The following TUBA8 variants were observed in gnomAD, a reference collection of about 807,000 sequenced individuals.
TUBA8 encodes tubulin alpha-8 chain.
TUBA8 carries 29 observed loss-of-function variants against 34.7 expected under a neutral mutation model. That is an observed-to-expected ratio of 0.84 (90% CI 0.62 to 1.14). The LOEUF is 1.14. TUBA8 is among the 50% of genes most tolerant of loss of function. TUBA8 has a pLI of 0.00. For synonymous variants in TUBA8, 226 were observed against 231.2 expected (o/e 0.98, Z 0.21); for missense variants, 541 against 599.2 (o/e 0.90, Z 1.01).
Position 18,126,162 on chromosome 22 carries a change from CCCCAT to C in TUBA8, c.376-186_376-182del, listed in dbSNP as rs550186807. ...ACAGGCATTGAGTCACTGTGCCTGG[CCCCAT>C]CCCATATTTTAGCCACTCCTCCAAA... On this transcript the variant is annotated intron_variant, in intron 3 of 4. Transcript: ENST00000330423. This position sits in a 1 kb window ranked among gnomAD's most constrained non-coding sequence, Gnocchi z 4.0. The C allele has an allele frequency of 7.1e-3, 4,393 of 617,270 alleles. 18 individuals carry two copies. Among genetic ancestry groups the C allele is most frequent in the South Asian group, 9.5e-3 (486 of 51,228 alleles). The allele number at this position is 617,270 out of a possible 1,614,324, so 38.2% of individuals were successfully genotyped here. A position where few individuals can be genotyped will look rare whatever the true frequency, so the allele number is the denominator to read the frequency against.
chr22:18,121,813 C>T lies in TUBA8; in HGVS notation c.226+112C>T. On this transcript the variant is annotated intron_variant, in intron 2 of 4. Transcript: ENST00000330423. This position sits in a 1 kb window ranked among gnomAD's most constrained non-coding sequence, Gnocchi z 4.8. Reference sequence around the variant, plus strand: ...TAGCTGGAAGGTGGGGATGGTGCAACCGCAGCCTCCCACCCCACGTGACAT... The same window carrying T: ...TAGCTGGAAGGTGGGGATGGTGCAATCGCAGCCTCCCACCCCACGTGACAT... The T allele has an allele frequency of 1.0e-6, 1 of 1,000,722 alleles. No homozygotes were observed. Among genetic ancestry groups the T allele is most frequent in the African/African-American group, 1.6e-5 (1 of 62,778 alleles). 62.0% of individuals were successfully genotyped at this position (1,000,722 alleles called of 1,614,324 possible). A position where few individuals can be genotyped will look rare whatever the true frequency, so the allele number is the denominator to read the frequency against.
Position 18,121,714 on chromosome 22 carries a change from G to T in TUBA8, c.226+13G>T. On this transcript the variant is annotated intron_variant, in intron 2 of 4. Coordinates refer to ENST00000330423, the MANE Select transcript of TUBA8 (RefSeq NM_018943.3). This position sits in a 1 kb window ranked among gnomAD's most constrained non-coding sequence, Gnocchi z 4.8. ...CCTACTGTAGTGGGTGAGTGGGGGC[G>T]GAGTTCCCCTCCACAGAGAACATCT... The T allele has an allele frequency of 6.2e-7, 1 of 1,609,214 alleles. No homozygotes were observed. The highest frequency in any genetic ancestry group is 8.5e-7 in the Non-Finnish European group (1 of 1,175,730).
chr22:18,118,575 C>T lies in TUBA8; in HGVS notation c.4-2904C>T, dbSNP rs1227709334. ...ACCCTGGACCTGGACGCCTCCGTCT[C>T]TCCAAGGAGCCCAGTTCCTGTTAGC... is the stretch of plus-strand genomic sequence containing the variant. On this transcript the variant is annotated intron_variant, in intron 1 of 4. Transcript: ENST00000330423. The surrounding 1 kb of genome is among the most constrained non-coding windows in gnomAD (Gnocchi z 4.0). The T allele has an allele frequency of 6.6e-6, 1 of 152,248 alleles. No individual in the cohort carries two copies. The highest frequency in any genetic ancestry group is 1.5e-5 in the Non-Finnish European group (1 of 68,060). 9.4% of individuals were successfully genotyped at this position (152,248 alleles called of 1,614,324 possible). A position where few individuals can be genotyped will look rare whatever the true frequency, so the allele number is the denominator to read the frequency against.
Position 18,111,098 on chromosome 22 carries a change from TA to T in TUBA8, c.3+232del. The stretch of plus-strand genomic sequence containing the variant: ...GGGCCAGTTGTTCCTTAAAGGGACC[TA>T]AGGGAGCTTTGCGTGCAGACGAGGG... On this transcript the variant is annotated intron_variant, in intron 1 of 4. Coordinates refer to ENST00000330423, the MANE Select transcript of TUBA8 (RefSeq NM_018943.3). This position sits in a 1 kb window ranked among gnomAD's most constrained non-coding sequence, Gnocchi z 5.1. The T allele has an allele frequency of 1.6e-6, 1 of 637,172 alleles. No individual in the cohort carries two copies. Among genetic ancestry groups the T allele is most frequent in the Non-Finnish European group, 2.7e-6 (1 of 372,578 alleles). 39.5% of individuals were successfully genotyped at this position (637,172 alleles called of 1,614,324 possible).
chr22:18,121,541 G>A lies in TUBA8; in HGVS notation c.66G>A (p.Glu22=), dbSNP rs1039764417. The part of the protein sequence containing the change: ...AGVQIGNACW[E]LFCLEHGIQA... ...TTCAGATTGGCAATGCCTGCTGGGA[G>A]CTCTTCTGCCTGGAACACGGCATCC... The change falls in exon 2 of 5, where the codon GAG becomes GAA. Residue 22 remains glutamate, a synonymous_variant. Transcript: ENST00000330423. The surrounding 1 kb of genome is among the most constrained non-coding windows in gnomAD (Gnocchi z 4.8). The A allele has an allele frequency of 3.1e-6, 5 of 1,614,112 alleles. No homozygotes were observed. The African/African-American group carries it at 5.3e-5, about 17-fold the overall frequency.
rs1181939649 is a variant in TUBA8 at position 18,121,846 on chromosome 22, C to G, written c.226+145C>G. On this transcript the variant is annotated intron_variant, in intron 2 of 4. Coordinates refer to ENST00000330423, the MANE Select transcript of TUBA8 (RefSeq NM_018943.3). The surrounding 1 kb of genome is among the most constrained non-coding windows in gnomAD (Gnocchi z 4.8). ...TCCCACCCCACGTGACATCTGTCAGCTCCTTGGGGTCCCCACAGTCTCGGG... is the reference window on the plus strand; with the variant it reads ...TCCCACCCCACGTGACATCTGTCAGGTCCTTGGGGTCCCCACAGTCTCGGG... The G allele has an allele frequency of 2.8e-6, 2 of 724,246 alleles. No homozygotes were observed. Among genetic ancestry groups the G allele is most frequent in the African/African-American group, 3.5e-5 (2 of 56,896 alleles). The allele number at this position is 724,246 out of a possible 1,614,324, so 44.9% of individuals were successfully genotyped here.
intron 1 of TUBA8, chr22:18,113,192 A>G (rs1927863899): frequency 6.6e-6 from 1 of 152,226 alleles, no homozygotes; most frequent in Admixed American, 6.5e-5. Context: ...GGTACCACCA[A>G]TACCCTTTAG....
In TUBA8 at chr22:18,126,032, T is replaced by C. The variant is rs1035938131; in HGVS notation, c.376-322T>C. The stretch of plus-strand genomic sequence containing the variant: ...GTGCATCACCACGCCCAGTTAACTT[T>C]TAAAATTTTTTGTAGATGCGAGGTC... On this transcript the variant is annotated intron_variant, in intron 3 of 4. Transcript: ENST00000330423. This position sits in a 1 kb window ranked among gnomAD's most constrained non-coding sequence, Gnocchi z 4.0. 2.7e-6 allele frequency: 1 copy of C among 365,412 alleles called. No homozygotes were observed. The highest frequency in any genetic ancestry group is 2.1e-5 in the African/African-American group (1 of 47,874). The allele number at this position is 365,412 out of a possible 1,614,324, so 22.6% of individuals were successfully genotyped here. A position where few individuals can be genotyped will look rare whatever the true frequency, so the allele number is the denominator to read the frequency against.
At chr22:18,112,610 A>C (rs1207375165) in intron 1 of TUBA8, 1 of 152,234 alleles carries the variant, frequency 6.6e-6, no homozygotes, top group Admixed American at 6.5e-5. Flanking sequence ...GTTTCTGACA[A>C]TGCCTGGTAA....
chr22:18,124,353 G>A lies in TUBA8; in HGVS notation c.375+49G>A. 1 of 1,587,938 alleles carries A rather than the reference G, an allele frequency of 6.3e-7. No homozygotes were observed. Among genetic ancestry groups the A allele is most frequent in the Non-Finnish European group, 8.6e-7 (1 of 1,165,590 alleles). The stretch of plus-strand genomic sequence containing the variant: ...GGGTGGGTCAGGCTGGAGTGGACAG[G>A]CTTGGCCCCATGCCTCTTTGATCAG... On this transcript the variant is annotated intron_variant, in intron 3 of 4. Transcript: ENST00000330423. This position sits in a 1 kb window ranked among gnomAD's most constrained non-coding sequence, Gnocchi z 4.3.
At chr22:18,114,252 G>C (rs925530953) in intron 1 of TUBA8, 7 of 152,456 alleles carry the variant, frequency 4.6e-5, no homozygotes, top group African/African-American at 1.7e-4. Context: ...AGTGTCTCTT[G>C]CACCTGCCCC....
intron 4 of TUBA8, chr22:18,130,278 G>A (rs8140197): frequency 0.18 from 28,411 of 155,172 alleles, 3,643 homozygotes; most frequent in African/African-American, 0.36. Context: ...GCGTTTCCCT[G>A]TTACACATAC....
intron 4 of TUBA8, 27 bp from the exon 5 acceptor site, chr22:18,130,816 G>A (rs1309823574): frequency 1.1e-5 from 17 of 1,612,866 alleles, no homozygotes; most frequent in Non-Finnish European, 1.4e-5. Context: ...CTTCTTCTGT[G>A]GCTCCTCCTC....
At chr22:18,129,742 A>C (rs1928436802) in intron 4 of TUBA8, 1 of 151,984 alleles carries the variant, frequency 6.6e-6, no homozygotes, top group East Asian at 1.9e-4. Context: ...GTGCATTTTA[A>C]AGCTATGGAT....
intron 1 of TUBA8, chr22:18,120,856 G>A (rs1266150545): frequency 6.5e-6 from 1 of 154,568 alleles, no homozygotes; most frequent in Non-Finnish European, 1.4e-5. Context: ...GGGCTGCAAA[G>A]ATTTTCCAAT....
rs931253601 is a variant in TUBA8, at chr22:18,119,854, T to G, written c.4-1625T>G. ...CTTTGACGTGGACTCTACTGGCTTC[T>G]GTGCCCAGCCGTGCCCTCTGGAGGC... On this transcript the variant is annotated intron_variant, in intron 1 of 4. Transcript: ENST00000330423. The surrounding 1 kb of genome is among the most constrained non-coding windows in gnomAD (Gnocchi z 5.9). The G allele has an allele frequency of 3.9e-5, 6 of 152,330 alleles. No homozygotes were observed. Among genetic ancestry groups the G allele is most frequent in the African/African-American group, 1.4e-4 (6 of 41,470 alleles). The allele number at this position is 152,330 out of a possible 1,614,324, so 9.4% of individuals were successfully genotyped here. A position where few individuals can be genotyped will look rare whatever the true frequency, so the allele number is the denominator to read the frequency against.
intron 4 of TUBA8, chr22:18,128,953 G>A (rs1928418982): frequency 6.6e-6 from 1 of 152,300 alleles, no homozygotes; most frequent in Non-Finnish European, 1.5e-5. Flanking sequence ...AGTTTTCTTG[G>A]CGGGAGTTAC....
Position 18,121,801 on chromosome 22 carries a change from G to A in TUBA8, c.226+100G>A. On this transcript the variant is annotated intron_variant, in intron 2 of 4. Coordinates refer to ENST00000330423, the MANE Select transcript of TUBA8 (RefSeq NM_018943.3). This position sits in a 1 kb window ranked among gnomAD's most constrained non-coding sequence, Gnocchi z 4.8. ...AAGCAGCGTCTCTAGCTGGAAGGTG[G>A]GGATGGTGCAACCGCAGCCTCCCAC... 14 of 1,238,902 alleles carry A rather than the reference G, an allele frequency of 1.1e-5. No individual in the cohort carries two copies. The highest frequency in any genetic ancestry group is 1.5e-5 in the Non-Finnish European group (13 of 870,960). 76.7% of individuals were successfully genotyped at this position (1,238,902 alleles called of 1,614,324 possible). A position where few individuals can be genotyped will look rare whatever the true frequency, so the allele number is the denominator to read the frequency against.
rs1278676306 is a variant in TUBA8 at position 18,121,868 on chromosome 22, C to T, written c.226+167C>T. On this transcript the variant is annotated intron_variant, in intron 2 of 4. Coordinates refer to ENST00000330423, the MANE Select transcript of TUBA8 (RefSeq NM_018943.3). The surrounding 1 kb of genome is among the most constrained non-coding windows in gnomAD (Gnocchi z 4.8). ...CAGCTCCTTGGGGTCCCCACAGTCT[C>T]GGGGAATCTCATGACAGTGATCAAG... The T allele has an allele frequency of 9.3e-6, 6 of 646,596 alleles. No homozygotes were observed. Among genetic ancestry groups the T allele is most frequent in the Non-Finnish European group, 1.6e-5 (6 of 370,990 alleles). 40.1% of individuals were successfully genotyped at this position (646,596 alleles called of 1,614,324 possible).
Sources: allele counts gnomAD v4.1 joint callset, GRCh38; gene constraint gnomAD v4.1.1; non-coding constraint Gnocchi (gnomAD v3.1); transcripts MANE v1.5; gene names NCBI Gene and HGNC (gene_info 2026-07-23, HGNC 2026-07-21).